CCBE1: variants seen among roughly 807,000 people sequenced by gnomAD.
CCBE1 encodes collagen and calcium-binding EGF domain-containing protein 1.
Under a neutral mutation model 50.0 loss-of-function variants are expected in CCBE1, and 37 were observed. That is an observed-to-expected ratio of 0.74 (90% CI 0.57 to 0.97). The LOEUF (loss-of-function observed/expected upper bound fraction) is 0.97, where lower values mean the gene tolerates loss of function less well. Ranked by LOEUF, CCBE1 falls within the 50% of genes least tolerant of loss-of-function variation. The pLI is 0.00. For synonymous variants in CCBE1, 234 were observed against 203.7 expected (o/e 1.15, Z -1.27); for missense variants, 538 against 523.8 (o/e 1.03, Z -0.26).
chr18:59,584,342 G>C (rs186809708), intron 2 of CCBE1, among the ~76,000 whole-genome samples: 2 of 126,234 alleles, frequency 1.6e-5, no homozygotes, highest in African/African-American at 6.0e-5. Context: ...ACACTCTGGG[G>C]ACTGTTGTGG....
At chr18:59,678,683 C>A (rs2054543278) in intron 2 of CCBE1, among the ~76,000 whole-genome samples, 1 of 151,422 alleles carries the variant, frequency 6.6e-6, no homozygotes, top group African/African-American at 2.4e-5. Flanking sequence ...CAGGTGCCCA[C>A]CACCACACTC....
chr18:59,536,622 G>A (rs950018950), intron 2 of CCBE1, among the ~76,000 whole-genome samples: 1 of 152,054 alleles, frequency 6.6e-6, no homozygotes, highest in African/African-American at 2.4e-5. Context: ...AAATAAGAAC[G>A]ACCAATGCAA....
chr18:59,655,100 A>AAAT (rs61226931), intron 2 of CCBE1, among the ~76,000 whole-genome samples: 1 of 151,086 alleles, frequency 6.6e-6, no homozygotes, highest in Admixed American at 6.6e-5. Flanking sequence ...AAAAAAAAAA[A>AAAT]GCCCAGAGAA....
chr18:59,533,929 G>A (rs1328627630), intron 2 of CCBE1, among the ~76,000 whole-genome samples: 3 of 152,046 alleles, frequency 2.0e-5, no homozygotes, highest in East Asian at 3.8e-4. Context: ...CTTCATAATG[G>A]CAATCACCAA....
intron 2 of CCBE1, among the ~76,000 whole-genome samples, chr18:59,626,749 C>T (rs914153431): frequency 6.6e-6 from 1 of 152,254 alleles, no homozygotes; most frequent in Admixed American, 6.5e-5. Flanking sequence ...CTATGCTATG[C>T]CACCTCTATG....
At position 59,549,286 on chromosome 18, in the gene CCBE1, A is replaced by T. The variant is rs752406066; in HGVS notation, c.213-69048T>A. On this transcript the variant is annotated intron_variant, in intron 2 of 10. Coordinates refer to ENST00000439986, the MANE Select transcript of CCBE1 (RefSeq NM_133459.4). Reference sequence around the variant, plus strand: ...CATTGGTAAAAAATAATGCATCAGGATGAATGCAAATTTTAGCTAAGCCAT... The same window carrying T: ...CATTGGTAAAAAATAATGCATCAGGTTGAATGCAAATTTTAGCTAAGCCAT... Among the ~76,000 whole-genome samples the T allele has an allele frequency of 4.3e-4, 65 of 152,152 alleles. 1 individual carries two copies. The highest frequency in any genetic ancestry group is 7.3e-5 in the Non-Finnish European group (5 of 68,034).
At chr18:59,561,302 T>C (rs1296941081) in intron 2 of CCBE1, among the ~76,000 whole-genome samples, 1 of 152,224 alleles carries the variant, frequency 6.6e-6, no homozygotes, top group Non-Finnish European at 1.5e-5. Flanking sequence ...CCTATGTGTA[T>C]GTATTGGGCC....
At chr18:59,525,264 C>G (rs568122605) in intron 2 of CCBE1, among the ~76,000 whole-genome samples, 1 of 152,304 alleles carries the variant, frequency 6.6e-6, no homozygotes, top group Non-Finnish European at 1.5e-5. Context: ...TTAATAATTG[C>G]TATTCTGACT....
At chr18:59,536,500 A>C (rs537031552) in intron 2 of CCBE1, among the ~76,000 whole-genome samples, 1 of 152,336 alleles carries the variant, frequency 6.6e-6, no homozygotes, top group Non-Finnish European at 1.5e-5. Context: ...TGTTCAAAGG[A>C]AGAGAAGGTT....
intron 7 of CCBE1, among the ~76,000 whole-genome samples, chr18:59,442,554 C>T (rs1237948484): frequency 6.6e-6 from 1 of 151,910 alleles, no homozygotes; most frequent in Non-Finnish European, 1.5e-5. Flanking sequence ...ACAGTGAAAC[C>T]CCATCTCTAC....
chr18:59,494,214 C>A (rs908964306), intron 2 of CCBE1, among the ~76,000 whole-genome samples: 9 of 152,162 alleles, frequency 5.9e-5, no homozygotes, highest in African/African-American at 2.2e-4. Flanking sequence ...GTTGGAGTTG[C>A]CTCTGCCCTA....
At chr18:59,543,478 A>G (rs535706425) in intron 2 of CCBE1, among the ~76,000 whole-genome samples, 1 of 152,352 alleles carries the variant, frequency 6.6e-6, no homozygotes, top group East Asian at 1.9e-4. Flanking sequence ...CAACTTAGAA[A>G]AAATGATGCT....
intron 2 of CCBE1, among the ~76,000 whole-genome samples, chr18:59,512,747 G>A (rs1914187516): frequency 1.3e-5 from 2 of 152,208 alleles, no homozygotes; most frequent in Admixed American, 1.3e-4. Flanking sequence ...CTGTTGATGA[G>A]GAAAAGGGTA....
chr18:59,606,649 A>G (rs1448804642), intron 2 of CCBE1, among the ~76,000 whole-genome samples: 1 of 152,108 alleles, frequency 6.6e-6, no homozygotes, highest in Non-Finnish European at 1.5e-5. Context: ...CACAAGAATC[A>G]TCTCTGGAGG....
chr18:59,535,979 T>C (rs1361519767), intron 2 of CCBE1, among the ~76,000 whole-genome samples: 1 of 152,212 alleles, frequency 6.6e-6, no homozygotes, highest in Admixed American at 6.5e-5. Flanking sequence ...CAAGCCACGG[T>C]GCCTGGCTGG....
intron 2 of CCBE1, among the ~76,000 whole-genome samples, chr18:59,670,724 G>C (rs2054419640): frequency 6.6e-6 from 1 of 152,100 alleles, no homozygotes; most frequent in African/African-American, 2.4e-5. Flanking sequence ...GAGGCGGGAG[G>C]ATCACCTGAG....
chr18:59,626,951 C>T (rs2053793001), intron 2 of CCBE1, among the ~76,000 whole-genome samples: 1 of 152,230 alleles, frequency 6.6e-6, no homozygotes, highest in African/African-American at 2.4e-5. Flanking sequence ...CCACAAGCTT[C>T]CCAACTGTGC....
In CCBE1 at chr18:59,438,192, T is replaced by A. The variant is rs777190943; in HGVS notation, c.952-46A>T. Reference sequence around the variant, plus strand: ...GTTAGCTTTCTAGAGCACATGGATATCACAAGAATAGTCTCTATTTATACA... The same window carrying A: ...GTTAGCTTTCTAGAGCACATGGATAACACAAGAATAGTCTCTATTTATACA... On this transcript the variant is annotated intron_variant, in intron 9 of 10. Transcript: ENST00000439986. 2.6e-5 allele frequency: 40 copies of A among 1,558,988 alleles called. 1 individual carries two copies. Among genetic ancestry groups the A allele is most frequent in the Non-Finnish European group, 3.4e-5 (38 of 1,130,078 alleles).
chr18:59,439,915 ACTCT>A (rs1910343358), intron 7 of CCBE1, 99 bp from the exon 8 acceptor site: 1 of 1,318,200 alleles, frequency 7.6e-7, no homozygotes, highest in South Asian at 1.3e-5. Context: ...TTCTCTTTGT[ACTCT>A]CTCTGCCTTT....
Sources: allele counts gnomAD v4.1 joint callset (sites outside exome capture counted in the v4.1 genomes callset), GRCh38; gene constraint gnomAD v4.1.1; transcripts MANE v1.5; gene names NCBI Gene and HGNC (gene_info 2026-07-23, HGNC 2026-07-21).